OAS3: variants seen among roughly 807,000 people sequenced by gnomAD.
OAS3 encodes the protein 2'-5'-oligoadenylate synthetase 3.
OAS3 carries 107 observed loss-of-function variants against 113.0 expected under a neutral mutation model. That is an observed-to-expected ratio of 0.95 (90% CI 0.81 to 1.11). OAS3 has a LOEUF of 1.11. OAS3 is among the 50% of genes most tolerant of loss of function. The pLI is 0.00. For missense variants in OAS3, 1,258 were observed against 1,389.1 expected (o/e 0.91, Z 1.50); for synonymous variants, 552 against 573.6 (o/e 0.96, Z 0.54).
At chr12:112,948,610 G>A (rs575349458) in intron 5 of OAS3, among the ~76,000 whole-genome samples, 1 of 151,852 alleles carries the variant, frequency 6.6e-6, no homozygotes, top group African/African-American at 2.4e-5. Context: ...TTTTTCTGCA[G>A]CTATGGTCTG....
rs1298643797 is a variant in OAS3, at chr12:112,950,852, G to C, written c.1534G>C (p.Val512Leu). 6.2e-7 allele frequency: 1 copy of C among 1,614,038 alleles called. No individual in the cohort carries two copies. The highest frequency in any genetic ancestry group is 2.2e-5 in the East Asian group (1 of 44,884). ...AQLESWWQDQ[V>L]PSLSLQFPEQ... ...GCTAGAATCCTGGTGGCAGGACCAG[G>C]TGCCCAGCCTGAGCCTTCAGTTTCC... The change falls in exon 7 of 16, where the codon GTG (valine) becomes CTG (leucine). Residue 512 changes from valine to leucine, a missense_variant. By Grantham distance (32) the Val-to-Leu change is conservative. Transcript: ENST00000228928.
In OAS3 at chr12:112,946,936, A is replaced by G. The variant is rs183804250; in HGVS notation, c.830A>G (p.Asp277Gly). Reference sequence around the variant, plus strand: ...TGGACTGTCAACTATGGCTTCGAGGACCCTGCAGTTGGGCAGTTCTTGCAG... The same window carrying G: ...TGGACTGTCAACTATGGCTTCGAGGGCCCTGCAGTTGGGCAGTTCTTGCAG... ...VFWTVNYGFE[D>G]PAVGQFLQRQ... The change falls in exon 4 of 16, where the codon GAC becomes GGC. Residue 277 changes from aspartate (D) to glycine (G), a missense_variant. Physicochemically the swap from Asp to Gly is moderately conservative, Grantham distance 94. Coordinates refer to ENST00000228928, the MANE Select transcript of OAS3 (RefSeq NM_006187.4). 5.1e-4 allele frequency: 819 copies of G among 1,613,966 alleles called. 1 individual carries two copies. Among genetic ancestry groups the G allele is most frequent in the Middle Eastern group, 6.6e-4 (4 of 6,062 alleles).
At chr12:112,941,314 T>C (rs1400963587) in intron 1 of OAS3, among the ~76,000 whole-genome samples, 1 of 152,184 alleles carries the variant, frequency 6.6e-6, no homozygotes, top group African/African-American at 2.4e-5. Flanking sequence ...CGCAGTGAGC[T>C]ATGTGTTCCA....
At chr12:112,944,144 C>G (rs1351484236) in intron 2 of OAS3, among the ~76,000 whole-genome samples, 1 of 152,190 alleles carries the variant, frequency 6.6e-6, no homozygotes, top group African/African-American at 2.4e-5. Flanking sequence ...AGTTGCCAGG[C>G]TGCAGGCACT....
intron 14 of OAS3, chr12:112,969,299 A>T (rs2043962741): frequency 5.1e-6 from 2 of 390,790 alleles, no homozygotes; most frequent in South Asian, 7.2e-5. Context: ...TGTATCATGG[A>T]TGCAGGAGGG....
At position 112,964,394 on chromosome 12, in the gene OAS3, ATCAAGGTGG is replaced by A. The variant is rs778789015; in HGVS notation, c.2398_2403+3del. On this transcript the variant is annotated inframe_deletion, in exon 11 of 16. Coordinates refer to ENST00000228928, the MANE Select transcript of OAS3 (RefSeq NM_006187.4). ...CTTCCGGAATTCTCCCATCAAAGTGATCAAGGTGGTCAAGGTGAGTCCTCAGAGAGCTGT... is the reference window on the plus strand; with the variant it reads ...CTTCCGGAATTCTCCCATCAAAGTGATCAAGGTGAGTCCTCAGAGAGCTGT... 23 of 1,611,830 alleles carry A rather than the reference ATCAAGGTGG, an allele frequency of 1.4e-5. No individual in the cohort carries two copies. In the African/African-American group the frequency reaches 2.8e-4, roughly 20 times the overall value.
At position 112,961,154 on chromosome 12, in the gene OAS3, G is replaced by C. The variant is rs753205520; in HGVS notation, c.1741G>C (p.Ala581Pro). 11 of 1,613,340 alleles carry C rather than the reference G, an allele frequency of 6.8e-6. No homozygotes were observed. The Admixed American group carries it at 1.8e-4, about 27-fold the overall frequency. ...TGGCTGCCAGGAGGGCGAGCATAAG[G>C]CCTGCTTCGCAGAGCTGCGGAGGAA... The part of the protein sequence containing the change: ...TSGCQEGEHK[A>P]CFAELRRNFM... Residue 581 changes from alanine to proline, a missense_variant, in exon 8 of 16, where the codon GCC becomes CCC. Physicochemically the swap from Ala to Pro is conservative, Grantham distance 27. Coordinates refer to ENST00000228928, the MANE Select transcript of OAS3 (RefSeq NM_006187.4).
chr12:112,966,005 G>A lies in OAS3; in HGVS notation c.2665G>A (p.Val889Met), dbSNP rs1433260151. ...TMLDQSVDFD[V>M]LPAFDALGQL... ...GCTGGACCAGAGTGTGGACTTTGAT[G>A]TGCTGCCAGCCTTTGACGCCCTAGG... Residue 889 changes from valine to methionine, a missense_variant, in exon 12 of 16, where the codon GTG (valine) becomes ATG (methionine). By Grantham distance (21) the Val-to-Met change is conservative. Coordinates refer to ENST00000228928, the MANE Select transcript of OAS3 (RefSeq NM_006187.4). 2 of 1,614,054 alleles carry A rather than the reference G, an allele frequency of 1.2e-6. No individual in the cohort carries two copies. Among genetic ancestry groups the A allele is most frequent in the East Asian group, 2.2e-5 (1 of 44,894 alleles).
chr12:112,959,196 G>A (rs2043861258), intron 7 of OAS3, among the ~76,000 whole-genome samples: 1 of 152,202 alleles, frequency 6.6e-6, no homozygotes, highest in Admixed American at 6.5e-5. Context: ...CATTGGAAAA[G>A]CACAGTATTA....
intron 7 of OAS3, 22 bp from the exon 8 acceptor site, chr12:112,961,049 A>G: frequency 1.9e-6 from 3 of 1,610,794 alleles, no homozygotes; most frequent in African/African-American, 2.7e-5. Flanking sequence ...TTGCACACTC[A>G]GGGTGTTTCA....
At chr12:112,960,147 A>C (rs1041981212) in intron 7 of OAS3, among the ~76,000 whole-genome samples, 1 of 152,154 alleles carries the variant, frequency 6.6e-6, no homozygotes, top group South Asian at 2.1e-4. Flanking sequence ...GGTTGGAGAA[A>C]TATTACCCTT....
At chr12:112,968,806 T>C (rs766006149) in intron 14 of OAS3, among the ~76,000 whole-genome samples, 2 of 152,250 alleles carry the variant, frequency 1.3e-5, no homozygotes, top group Non-Finnish European at 2.9e-5. Flanking sequence ...TGAGCCACTG[T>C]GCCCAGCCTT....
chr12:112,961,744 AAAGC>A (rs1025291161), intron 8 of OAS3, among the ~76,000 whole-genome samples: 13 of 152,098 alleles, frequency 8.5e-5, no homozygotes, highest in African/African-American at 2.7e-4. Flanking sequence ...GCTGTGCCTG[AAAGC>A]AGATCTACTC....
chr12:112,942,653 G>T (rs945838852), intron 2 of OAS3, among the ~76,000 whole-genome samples: 6 of 151,692 alleles, frequency 4.0e-5, no homozygotes, highest in African/African-American at 1.5e-4. Context: ...AGGCAGTGGA[G>T]GCTGCAGTGA....
In OAS3 at chr12:112,944,622, A is replaced by G. The variant is rs1021748124; in HGVS notation, c.607A>G (p.Ile203Val). ...TCGCCCAGCCAAGTTGAAGAACCTA[A>G]TCTTGCTGGTGAAGCACTGGTACCA... ...NIRPAKLKNL[I>V]LLVKHWYHQV... is the part of the protein sequence containing the mutation. Residue 203 changes from isoleucine to valine, a missense_variant, in exon 3 of 16, where the codon ATC (isoleucine) becomes GTC (valine). By Grantham distance (29) the Ile-to-Val change is conservative (BLOSUM62 3). Transcript: ENST00000228928. The G allele has an allele frequency of 3.0e-5, 48 of 1,613,946 alleles. No individual in the cohort carries two copies. The highest frequency in any genetic ancestry group is 1.1e-4 in the East Asian group (5 of 44,896).
chr12:112,965,788 T>C lies in OAS3; in HGVS notation c.2448T>C (p.Asp816=), dbSNP rs780427900. 2.5e-6 allele frequency: 4 copies of C among 1,613,568 alleles called. No homozygotes were observed. The highest frequency in any genetic ancestry group is 3.4e-6 in the Non-Finnish European group (4 of 1,179,864). The change falls in exon 12 of 16, where the codon GAT becomes GAC. Residue 816 remains aspartate, a synonymous_variant. Coordinates refer to ENST00000228928, the MANE Select transcript of OAS3 (RefSeq NM_006187.4). ...GCACAGCTCTGCGAGGCCGCTCAGA[T>C]GCCGACCTCGTGGTGTTCCTCAGCT... is the stretch of plus-strand genomic sequence containing the variant. ...AKGTALRGRS[D]ADLVVFLSCF...
rs367981607 is a variant in OAS3, at chr12:112,944,460, C to T, written c.461-16C>T. ...CCTCAGTGCCCTCCCTAACTCACAGCGCTTCACACCAACAGGTCAGGCCGG... is the reference window on the plus strand; with the variant it reads ...CCTCAGTGCCCTCCCTAACTCACAGTGCTTCACACCAACAGGTCAGGCCGG... On this transcript the variant is annotated splice_polypyrimidine_tract_variant and intron_variant, in intron 2 of 15. Coordinates refer to ENST00000228928, the MANE Select transcript of OAS3 (RefSeq NM_006187.4). The T allele has an allele frequency of 9.2e-5, 149 of 1,613,812 alleles. 1 individual carries two copies. The African/African-American group carries it at 1.6e-3, about 17-fold the overall frequency.
chr12:112,939,333 T>G, intron 1 of OAS3, among the ~76,000 whole-genome samples: 1 of 58,602 alleles, frequency 1.7e-5, no homozygotes. Context: ...TTTTTTTTTT[T>G]TTTTGAGACA....
chr12:112,957,700 G>C (rs546248945), intron 7 of OAS3, among the ~76,000 whole-genome samples: 1 of 152,218 alleles, frequency 6.6e-6, no homozygotes, highest in Non-Finnish European at 1.5e-5. Flanking sequence ...TCTGCCGAGA[G>C]ATCTGCTGTT....
Sources: gnomAD v4.1 joint callset for allele counts (sites outside exome capture counted in the v4.1 genomes callset) on GRCh38, gnomAD v4.1.1 for gene constraint, MANE v1.5 for transcripts, NCBI Gene and HGNC (gene_info 2026-07-23, HGNC 2026-07-21) for gene names.